Variants in DPF3 observed in about 807,000 individuals in gnomAD.
DPF3 encodes double PHD fingers 3.
Under a neutral mutation model 56.8 loss-of-function variants are expected in DPF3, and 18 were observed. That is an observed-to-expected ratio of 0.32 (90% CI 0.22 to 0.47). The LOEUF (loss-of-function observed/expected upper bound fraction) is 0.47, where lower values mean the gene tolerates loss of function less well. Ranked by LOEUF, DPF3 falls within the 20% of genes least tolerant of loss-of-function variation. The pLI is 1.00. For missense variants in DPF3, 403 were observed against 488.8 expected (o/e 0.82, Z 1.65); for synonymous variants, 188 against 180.2 (o/e 1.04, Z -0.35).
At chr14:72,759,681 C>T (rs1890989534) in intron 2 of DPF3, among the ~76,000 whole-genome samples, 1 of 152,010 alleles carries the variant, frequency 6.6e-6, no homozygotes, top group Non-Finnish European at 1.5e-5. Context: ...GTCTAAGCAG[C>T]TCAATAAAGC....
chr14:72,801,636 G>GC (rs1396903323), intron 1 of DPF3, among the ~76,000 whole-genome samples: 4 of 152,206 alleles, frequency 2.6e-5, no homozygotes, highest in Non-Finnish European at 5.9e-5. Context: ...TCCAGGGACT[G>GC]CCAAGGAGTG....
chr14:72,620,138 G>A (rs961282985), intron 9 of DPF3, among the ~76,000 whole-genome samples, 154 bp from the exon 10 acceptor site: 4 of 152,030 alleles, frequency 2.6e-5, no homozygotes, highest in Non-Finnish European at 4.4e-5. Flanking sequence ...CCCTGAACAC[G>A]CCTGTGCTTT....
chr14:72,636,984 C>T (rs1885403373), intron 8 of DPF3, among the ~76,000 whole-genome samples: 1 of 152,238 alleles, frequency 6.6e-6, no homozygotes, highest in African/African-American at 2.4e-5. Flanking sequence ...CTCCACTCCT[C>T]TTAGAGGTTT....
At chr14:72,827,488 CTTTTTTTTTT>C (rs1182260007) in intron 1 of DPF3, among the ~76,000 whole-genome samples, 1,776 of 78,360 alleles carry the variant, frequency 0.023, 42 homozygotes, top group African/African-American at 0.09. Context: ...TCCCTTTACT[CTTTTTTTTTT>C]TTTTTTTTTT....
rs536356978 is a variant in DPF3, at chr14:72,704,162, C to G, written c.604+10261G>C. ...CCTAGCTTTCTGACTCCGGAGCCAC[C>G]TTCTTCCAACTGGCATCCCTTTCAG... On this transcript the variant is annotated intron_variant, in intron 6 of 10. Transcript: ENST00000556509. Among the ~76,000 whole-genome samples the G allele has an allele frequency of 1.8e-3, 271 of 152,344 alleles. 1 individual carries two copies. The highest frequency in any genetic ancestry group is 6.2e-3 in the African/African-American group (258 of 41,576).
chr14:72,719,491 A>G (rs937864582), intron 5 of DPF3, among the ~76,000 whole-genome samples: 2 of 152,182 alleles, frequency 1.3e-5, no homozygotes, highest in African/African-American at 2.4e-5. Flanking sequence ...ATTTTAACAA[A>G]ATCCTCAGGT....
At chr14:72,805,167 C>A (rs916106203) in intron 1 of DPF3, among the ~76,000 whole-genome samples, 1 of 152,128 alleles carries the variant, frequency 6.6e-6, no homozygotes, top group Non-Finnish European at 1.5e-5. Context: ...GGGAAACCTG[C>A]AGCTTCTAAA....
At chr14:72,766,046 G>GAA (rs1304508312) in intron 2 of DPF3, among the ~76,000 whole-genome samples, 1 of 152,170 alleles carries the variant, frequency 6.6e-6, no homozygotes, top group East Asian at 1.9e-4. Flanking sequence ...AAACACATAG[G>GAA]AAACCTTTGC....
At chr14:72,852,776 T>A (rs1487720626) in intron 1 of DPF3, among the ~76,000 whole-genome samples, 1 of 152,264 alleles carries the variant, frequency 6.6e-6, no homozygotes, top group Admixed American at 6.5e-5. Flanking sequence ...TGGAATGTTT[T>A]TAGCCTGCAT....
intron 1 of DPF3, among the ~76,000 whole-genome samples, chr14:72,839,014 G>A (rs569487896): frequency 3.9e-4 from 55 of 142,232 alleles, no homozygotes; most frequent in African/African-American, 1.3e-3. Flanking sequence ...TCTGCCTCCC[G>A]GGCTCAAGCA....
intron 2 of DPF3, among the ~76,000 whole-genome samples, chr14:72,758,150 A>C (rs1430097737): frequency 6.6e-6 from 1 of 152,234 alleles, no homozygotes; most frequent in Non-Finnish European, 1.5e-5. Flanking sequence ...AATTAAATTA[A>C]AATAAAAAGC....
intron 6 of DPF3, among the ~76,000 whole-genome samples, chr14:72,707,518 A>C (rs1367691022): frequency 6.6e-6 from 1 of 152,242 alleles, no homozygotes; most frequent in Non-Finnish European, 1.5e-5. Flanking sequence ...AGACATGTCC[A>C]TAAGCTGTGG....
At chr14:72,731,779 G>A in intron 4 of DPF3, 28 bp downstream of exon 4, 1 of 1,612,620 alleles carries the variant, frequency 6.2e-7, no homozygotes, top group Admixed American at 1.7e-5. Context: ...GGAACACTCT[G>A]TGGGGTCCCC....
At chr14:72,819,445 C>T (rs1883433296) in intron 1 of DPF3, among the ~76,000 whole-genome samples, 3 of 152,024 alleles carry the variant, frequency 2.0e-5, no homozygotes, top group Non-Finnish European at 2.9e-5. Context: ...CTGGAAACAA[C>T]CCAAATGTCC....
At chr14:72,632,099 T>C (rs1292547222) in intron 8 of DPF3, among the ~76,000 whole-genome samples, 2 of 152,234 alleles carry the variant, frequency 1.3e-5, no homozygotes, top group East Asian at 3.8e-4. Context: ...GGAGAAGGAT[T>C]ACAGGCATTT....
intron 6 of DPF3, among the ~76,000 whole-genome samples, chr14:72,703,595 G>A (rs1387494555): frequency 6.6e-6 from 1 of 152,216 alleles, no homozygotes; most frequent in East Asian, 1.9e-4. Flanking sequence ...ACAGAATGCA[G>A]GTGAACTCGG....
At chr14:72,798,809 C>T (rs1459751720) in intron 1 of DPF3, among the ~76,000 whole-genome samples, 2 of 152,224 alleles carry the variant, frequency 1.3e-5, no homozygotes, top group Non-Finnish European at 2.9e-5. Flanking sequence ...TCTGGCACTG[C>T]TAAATGGAAA....
chr14:72,816,410 C>T (rs1809144460), intron 1 of DPF3, among the ~76,000 whole-genome samples: 1 of 152,186 alleles, frequency 6.6e-6, no homozygotes, highest in Non-Finnish European at 1.5e-5. Flanking sequence ...ATATTCTCCA[C>T]CCCACATTCT....
intron 5 of DPF3, among the ~76,000 whole-genome samples, chr14:72,723,029 A>G (rs997070526): frequency 6.8e-6 from 1 of 147,398 alleles, no homozygotes; most frequent in Non-Finnish European, 1.5e-5. Flanking sequence ...AGTCATGATT[A>G]TGGTTTATTT....
Sources: gnomAD v4.1 joint callset for allele counts (sites outside exome capture counted in the v4.1 genomes callset) on GRCh38, gnomAD v4.1.1 for gene constraint, MANE v1.5 for transcripts, NCBI Gene and HGNC (gene_info 2026-07-23, HGNC 2026-07-21) for gene names.